Variants in CDKL5 observed in about 807,000 individuals in gnomAD.
The protein encoded by CDKL5 is cyclin-dependent kinase-like 5.
CDKL5 carries 8 observed loss-of-function variants against 61.7 expected under a neutral mutation model. The observed-to-expected ratio is 0.13, with a 90% CI of 0.08 to 0.23. The LOEUF (loss-of-function observed/expected upper bound fraction) is 0.23. Ranked by LOEUF, CDKL5 falls within the 10% of genes least tolerant of loss-of-function variation. The probability of loss-of-function intolerance (pLI) is 1.00; values close to 1 mark genes in which losing one functional copy is unlikely to be tolerated. For missense variants in CDKL5, 440 were observed against 734.5 expected, an observed-to-expected ratio of 0.60 and a Z score of 4.63; for synonymous variants, 275 against 272.3, an observed-to-expected ratio of 1.01 and a Z score of -0.10.
rs1418369227 is a variant in CDKL5 at position 18,509,242 on chromosome X, CACA to C, written c.65-1577_65-1575del. ...ACACACACACACACACACACACACA[CACA>C]CCCCTGTCAAGCAAACTCTGCATTC... On this transcript the variant is annotated intron_variant, in intron 2 of 17. Coordinates refer to ENST00000623535, the MANE Select transcript of CDKL5 (RefSeq NM_001323289.2). Among the ~76,000 whole-genome samples, 502 of 106,892 alleles carry C rather than the reference CACA, an allele frequency of 4.7e-3. 8 individuals are homozygous for C. The highest frequency in any genetic ancestry group is 0.014 in the South Asian group (33 of 2,298). 92.8% of individuals were successfully genotyped at this position (106,892 alleles called of 115,157 possible).
At chrX:18,648,494 G>A (rs573816663) in intron 20 of CDKL5, among the ~76,000 whole-genome samples, 4 of 110,312 alleles carry the variant, frequency 3.6e-5, no homozygotes, top group Admixed American at 9.6e-5. Context: ...CACCTGCCTC[G>A]GCCTCCCAAG....
intron 1 of CDKL5, among the ~76,000 whole-genome samples, chrX:18,449,383 G>T (rs1931955223): frequency 8.9e-6 from 1 of 112,258 alleles, no homozygotes; most frequent in South Asian, 3.6e-4. Context: ...GTCTTCGTGG[G>T]TTTCCCCCTT....
chrX:18,636,462 T>G lies in CDKL5; in HGVS notation c.*7705T>G, dbSNP rs1016446706. The G allele has an allele frequency of 1.0e-4, 11 of 109,221 alleles. No individual in the cohort carries two copies. The highest frequency in any genetic ancestry group is 4.0e-4 in the Admixed American group (4 of 10,073). The allele number at this position is 109,221 out of a possible 1,213,427, so 9.0% of individuals were successfully genotyped here. Reference sequence around the variant, plus strand: ...GGAAACAGATTTCCATACTTGACATTAACCTGCCCAAGGTCACCCAGTTTG... The same window carrying G: ...GGAAACAGATTTCCATACTTGACATGAACCTGCCCAAGGTCACCCAGTTTG... On this transcript the variant is annotated 3_prime_UTR_variant, in exon 18 of 18. Transcript: ENST00000623535.
chrX:18,583,590 A>G (rs1361360746), intron 7 of CDKL5, among the ~76,000 whole-genome samples: 3 of 111,571 alleles, frequency 2.7e-5, no homozygotes, highest in East Asian at 2.8e-4. Context: ...CAGTGAACCT[A>G]TGTTGTGTTT....
rs1351945385 is a variant in CDKL5, at chrX:18,509,199, A to ACGCGCGCGCGCGCG, written c.65-1620_65-1619insGCGCGCGCGCGCGC. ...AGAGCGAGACTGTCTCAAAACACGC[A>ACGCGCGCGCGCGCG]CACACACACACACACACACACACAC... On this transcript the variant is annotated intron_variant, in intron 2 of 17. Coordinates refer to ENST00000623535, the MANE Select transcript of CDKL5 (RefSeq NM_001323289.2). Among the ~76,000 whole-genome samples the ACGCGCGCGCGCGCG allele has an allele frequency of 6.5e-4, 29 of 44,921 alleles. 1 individual carries two copies. Among genetic ancestry groups the ACGCGCGCGCGCGCG allele is most frequent in the East Asian group, 3.1e-3 (4 of 1,296 alleles). 39.0% of individuals were successfully genotyped at this position (44,921 alleles called of 115,157 possible). A position where few individuals can be genotyped will look rare whatever the true frequency, so the allele number is the denominator to read the frequency against.
At chrX:18,643,949 GTGTT>G (rs1927675443), downstream of CDKL5, among the ~76,000 whole-genome samples, 1 of 111,461 alleles carries the variant, frequency 9.0e-6, no homozygotes. Flanking sequence ...AAGTTCGTCT[GTGTT>G]TGTGCTGGTG....
intron 11 of CDKL5, among the ~76,000 whole-genome samples, chrX:18,602,744 A>G (rs955552228): frequency 9.0e-6 from 1 of 111,362 alleles, no homozygotes; most frequent in African/African-American, 3.3e-5. Flanking sequence ...CATGGGGAAA[A>G]TTGGAAGTCA....
intron 1 of CDKL5, among the ~76,000 whole-genome samples, chrX:18,464,206 T>G: frequency 9.0e-6 from 1 of 110,624 alleles, no homozygotes; most frequent in East Asian, 2.8e-4. Flanking sequence ...TTTTTTTAAT[T>G]TAATTGATTA....
intron 20 of CDKL5, among the ~76,000 whole-genome samples, chrX:18,648,848 G>C (rs369710445): frequency 9.1e-4 from 100 of 110,331 alleles, no homozygotes; most frequent in African/African-American, 3.1e-3. Flanking sequence ...CCAGTGCTTT[G>C]GGAGGATCAC....
At chrX:18,468,767 A>G (rs1349924974) in intron 1 of CDKL5, among the ~76,000 whole-genome samples, 3 of 111,653 alleles carry the variant, frequency 2.7e-5, no homozygotes, top group Non-Finnish European at 5.6e-5. Context: ...GTTTTCAGAT[A>G]CAATCAATTT....
At chrX:18,514,946 G>A (rs1472075426) in intron 3 of CDKL5, among the ~76,000 whole-genome samples, 1 of 109,494 alleles carries the variant, frequency 9.1e-6, no homozygotes, top group Non-Finnish European at 1.9e-5. Flanking sequence ...CTATAGGCGC[G>A]CACCAACATG....
intron 4 of CDKL5, among the ~76,000 whole-genome samples, chrX:18,564,880 C>A (rs1333450667): frequency 9.0e-6 from 1 of 111,645 alleles, no homozygotes; most frequent in Non-Finnish European, 1.9e-5. Context: ...CAAGTAAATA[C>A]TTCTGTGGGT....
At chrX:18,648,830 C>T (rs1019068499) in intron 20 of CDKL5, among the ~76,000 whole-genome samples, 17 of 110,890 alleles carry the variant, frequency 1.5e-4, no homozygotes, top group Non-Finnish European at 3.0e-4. Flanking sequence ...TGGCTCATGC[C>T]TGTAATCCCA....
chrX:18,629,958 A>G lies in CDKL5; in HGVS notation c.*1201A>G, dbSNP rs1245310468. ...GAGGTACCTGTCTGCAGATCTTGCA[A>G]ACCATCTCTATGCTCCTGAATATTG... On this transcript the variant is annotated 3_prime_UTR_variant, in exon 18 of 18. Transcript: ENST00000623535. 3 of 751,985 alleles carry G rather than the reference A, an allele frequency of 4.0e-6. No homozygotes were observed. Among genetic ancestry groups the G allele is most frequent in the South Asian group, 6.8e-5 (1 of 14,616 alleles). 62.0% of individuals were successfully genotyped at this position (751,985 alleles called of 1,213,427 possible). A position where few individuals can be genotyped will look rare whatever the true frequency, so the allele number is the denominator to read the frequency against.
intron 1 of CDKL5, among the ~76,000 whole-genome samples, chrX:18,482,574 A>G (rs753549206): frequency 1.8e-5 from 2 of 111,315 alleles, no homozygotes; most frequent in African/African-American, 6.5e-5. Context: ...GCTAAAGGTA[A>G]TTGAAGCACA....
At chrX:18,456,065 T>C (rs79605019) in intron 1 of CDKL5, among the ~76,000 whole-genome samples, 1 of 109,300 alleles carries the variant, frequency 9.1e-6, no homozygotes, top group Non-Finnish European at 1.9e-5. Flanking sequence ...TTTTTTTTTT[T>C]GAGACGGAGT....
At chrX:18,426,168 C>T (rs1239332388) in intron 1 of CDKL5, 2 of 112,619 alleles carry the variant, frequency 1.8e-5, no homozygotes, top group Non-Finnish European at 1.9e-5. Flanking sequence ...CGCCAGGGGC[C>T]GTCAGTCGCG....
At chrX:18,470,335 CAAAAAAAAAAAGAAGAAAAGAA>C (rs1569189746) in intron 1 of CDKL5, among the ~76,000 whole-genome samples, 7 of 24,925 alleles carry the variant, frequency 2.8e-4, no homozygotes, top group African/African-American at 7.1e-4. Flanking sequence ...GACTCCGTCT[CAAAAAAAAAAAGAAGAAAAGAA>C]AAAAAAAAAA....
chrX:18,646,452 G>T (rs1927777312), intron 20 of CDKL5, among the ~76,000 whole-genome samples: 1 of 112,794 alleles, frequency 8.9e-6, no homozygotes, highest in African/African-American at 3.2e-5. Context: ...ACTGTGCCTG[G>T]CTGATGAATG....
Sources: allele counts gnomAD v4.1 joint callset (sites outside exome capture counted in the v4.1 genomes callset), GRCh38; gene constraint gnomAD v4.1.1; transcripts MANE v1.5; gene names NCBI Gene and HGNC (gene_info 2026-07-23, HGNC 2026-07-21).